CASK: variants seen among roughly 807,000 people sequenced by gnomAD.
The protein encoded by CASK is calcium/calmodulin dependent serine protein kinase.
A neutral mutation model predicts 82.9 loss-of-function variants in CASK; 4 were observed. The ratio of observed to expected loss-of-function variants is 0.05; its 90% CI spans 0.02 to 0.11. The LOEUF is 0.11. Among genes scored for constraint, CASK ranks in the 10% least tolerant of loss-of-function variants. CASK has a pLI of 1.00. For missense variants in CASK, 358 were observed against 720.9 expected (o/e 0.50, Z 5.76); for synonymous variants, 259 against 253.5 (o/e 1.02, Z -0.20).
At chrX:41,635,330 A>C (rs1273765652) in intron 9 of CASK, among the ~76,000 whole-genome samples, 2 of 111,969 alleles carry the variant, frequency 1.8e-5, no homozygotes, top group African/African-American at 6.5e-5. Context: ...GTTATACATA[A>C]TAATTCACTA....
intron 7 of CASK, 152 bp downstream of exon 7, chrX:41,665,125 C>T: frequency 2.0e-6 from 1 of 490,808 alleles, no homozygotes; most frequent in Non-Finnish European, 3.5e-6. Context: ...CTACCAAGGC[C>T]ACTGGATCAA....
chrX:41,770,298 A>AT (rs1569441719), intron 3 of CASK, among the ~76,000 whole-genome samples: 2,453 of 90,190 alleles, frequency 0.027, 38 homozygotes, highest in African/African-American at 0.039. Context: ...CTATCTATCT[A>AT]CCTACCTACC....
intron 3 of CASK, among the ~76,000 whole-genome samples, chrX:41,785,002 CTT>C (rs368185380): frequency 1.1e-3 from 79 of 74,829 alleles, no homozygotes; most frequent in Middle Eastern, 7.6e-3. Flanking sequence ...TTTCAAAATT[CTT>C]TTTTTTTTTT....
intron 21 of CASK, among the ~76,000 whole-genome samples, chrX:41,546,512 G>C (rs925449104): frequency 5.3e-5 from 6 of 112,383 alleles, no homozygotes; most frequent in African/African-American, 1.9e-4. Flanking sequence ...CTGTTGCCCA[G>C]GCTGTAGTGC....
intron 5 of CASK, among the ~76,000 whole-genome samples, chrX:41,715,625 A>G: frequency 9.5e-6 from 1 of 105,029 alleles, no homozygotes; most frequent in Non-Finnish European, 2.0e-5. Flanking sequence ...TCTGACTTGA[A>G]AAAAAAAAAA....
At chrX:41,587,149 AC>A (rs2065669548) in intron 13 of CASK, 162 bp from the exon 14 acceptor site, 2 of 420,967 alleles carry the variant, frequency 4.8e-6, no homozygotes, top group Admixed American at 4.1e-5. Flanking sequence ...ACATAGAAGA[AC>A]AGTATTGATG....
rs1229526685 is a variant in CASK at position 41,727,225 on chromosome X, G to A, written c.429+12159C>T. ...GACTGCAAACTTACTTGTGTGCAGT[G>A]CCATGCCTTTCATGAGTATCTATTT... On this transcript the variant is annotated intron_variant, in intron 5 of 26. Transcript: ENST00000378163. 4 of 1,201,157 alleles carry A rather than the reference G, an allele frequency of 3.3e-6. No individual in the cohort carries two copies. In the African/African-American group the frequency reaches 7.0e-5, roughly 21 times the overall value.
intron 2 of CASK, among the ~76,000 whole-genome samples, chrX:41,830,817 CAAAAAAA>C (rs780864898): frequency 5.4e-5 from 2 of 36,964 alleles, no homozygotes; most frequent in Non-Finnish European, 9.3e-5. Flanking sequence ...GAGACTCTGC[CAAAAAAA>C]AAAAAAAAAA....
intron 5 of CASK, among the ~76,000 whole-genome samples, chrX:41,708,066 C>T (rs1424170489): frequency 1.9e-5 from 2 of 102,964 alleles, no homozygotes; most frequent in African/African-American, 3.6e-5. Flanking sequence ...TGCAGTGAGC[C>T]GAGATCGCGC....
chrX:41,917,826 C>T (rs753087209), intron 1 of CASK, among the ~76,000 whole-genome samples: 1 of 111,642 alleles, frequency 9.0e-6, no homozygotes, highest in East Asian at 2.8e-4. Context: ...TCCAAATGAT[C>T]CTAGGATCAT....
intron 5 of CASK, among the ~76,000 whole-genome samples, chrX:41,725,020 G>A (rs188759558): frequency 1.8e-3 from 197 of 111,770 alleles, no homozygotes; most frequent in African/African-American, 5.8e-3. Flanking sequence ...TGAAGTTACA[G>A]ATTAGGTTTT....
chrX:41,864,971 A>G (rs921870734), intron 1 of CASK, among the ~76,000 whole-genome samples: 1 of 112,254 alleles, frequency 8.9e-6, no homozygotes, highest in African/African-American at 3.2e-5. Flanking sequence ...GACATAAAGT[A>G]GATGATCTGG....
intron 1 of CASK, among the ~76,000 whole-genome samples, chrX:41,872,245 C>G (rs1357484231): frequency 8.9e-6 from 1 of 112,638 alleles, no homozygotes; most frequent in Non-Finnish European, 1.9e-5. Flanking sequence ...ATGTTCCCAA[C>G]AAGTTTTAAT....
chrX:41,726,582 C>T (rs896929597), intron 5 of CASK, among the ~76,000 whole-genome samples: 9 of 111,734 alleles, frequency 8.1e-5, no homozygotes, highest in Non-Finnish European at 1.5e-4. Flanking sequence ...TTATTGTGGC[C>T]GCAAAATACT....
intron 8 of CASK, among the ~76,000 whole-genome samples, chrX:41,659,291 G>A (rs983769800): frequency 1.5e-4 from 16 of 109,035 alleles, no homozygotes; most frequent in African/African-American, 5.4e-4. Flanking sequence ...ATAGTGACAC[G>A]ATCTTGGCTC....
In CASK at chrX:41,534,915, C is replaced by A. The variant is rs199765605; in HGVS notation, c.2214G>T (p.Lys738Asn). 5.0e-6 allele frequency: 6 copies of A among 1,197,733 alleles called. No homozygotes were observed. Among genetic ancestry groups the A allele is most frequent in the Non-Finnish European group, 6.8e-6 (6 of 884,242 alleles). Residue 738 changes from lysine (K) to asparagine (N), a missense_variant, in exon 23 of 27, where the codon AAG becomes AAT. Lys to Asn is a moderately conservative substitution (Grantham distance 94, BLOSUM62 0). Transcript: ENST00000378163. The part of the protein sequence containing the change: ...YEEVVKLPAF[K>N]RKTLVLLGAH... Reference sequence around the variant, plus strand: ...TACCTAATAAGACTAGTGTTTTCCTCTTGAATGCTGGCAGTTTTACTACTT... The same window carrying A: ...TACCTAATAAGACTAGTGTTTTCCTATTGAATGCTGGCAGTTTTACTACTT...
intron 3 of CASK, among the ~76,000 whole-genome samples, chrX:41,784,363 A>T (rs1280950188): frequency 8.9e-6 from 1 of 112,566 alleles, no homozygotes; most frequent in Non-Finnish European, 1.9e-5. Context: ...AAGCTGTTTA[A>T]GAATTCAAAA....
chrX:41,710,081 TTGTGTGTGTGTGTGTGTGTG>T (rs57963407), intron 5 of CASK, among the ~76,000 whole-genome samples: 3 of 72,174 alleles, frequency 4.2e-5, no homozygotes, highest in East Asian at 4.6e-4. Flanking sequence ...GGTATAGATT[TTGTGTGTGTGTGTGTGTGTG>T]TGTGTGTGTG....
chrX:41,671,012 C>T (rs1254116854), intron 6 of CASK, among the ~76,000 whole-genome samples: 2 of 112,145 alleles, frequency 1.8e-5, no homozygotes, highest in Non-Finnish European at 3.8e-5. Flanking sequence ...ATGGCTTGAG[C>T]AGGATTCTTT....
Sources: allele counts gnomAD v4.1 joint callset (sites outside exome capture counted in the v4.1 genomes callset), GRCh38; gene constraint gnomAD v4.1.1; transcripts MANE v1.5; gene names NCBI Gene and HGNC (gene_info 2026-07-23, HGNC 2026-07-21).